The following PARP12 variants were observed in gnomAD, a reference collection of about 807,000 sequenced individuals.
The protein encoded by PARP12 is poly(ADP-ribose) polymerase family member 12.
Under a neutral mutation model 72.4 loss-of-function variants are expected in PARP12, and 59 were observed. That is an observed-to-expected ratio of 0.81 (90% CI 0.66 to 1.01). PARP12 has a LOEUF of 1.01. PARP12 is among the 50% of genes least tolerant of loss of function. The pLI is 0.00. For synonymous variants in PARP12, 403 were observed against 371.4 expected (o/e 1.09, Z -0.98); for missense variants, 851 against 914.0 (o/e 0.93, Z 0.89).
intron 8 of PARP12, among the ~76,000 whole-genome samples, chr7:140,032,884 G>C (rs1428369659): frequency 6.6e-6 from 1 of 152,100 alleles, no homozygotes; most frequent in Non-Finnish European, 1.5e-5. Context: ...AGTCTACAGA[G>C]GATACCATTT....
In PARP12 at chr7:140,057,166, A is replaced by C; in HGVS notation, c.463-13T>G. 6.2e-7 allele frequency: 1 copy of C among 1,605,806 alleles called. No individual in the cohort carries two copies. Among genetic ancestry groups the C allele is most frequent in the Non-Finnish European group, 8.5e-7 (1 of 1,175,846 alleles). The stretch of plus-strand genomic sequence containing the variant: ...AATGTTGGCAAATCTGTTGACAGAG[A>C]GGGAAAAAACCACCAGTTCAGGAAG... On this transcript the variant is annotated splice_polypyrimidine_tract_variant and intron_variant, in intron 2 of 11. Transcript: ENST00000263549.
At chr7:140,040,222 T>TC (rs1405602352) in intron 6 of PARP12, among the ~76,000 whole-genome samples, 3 of 152,072 alleles carry the variant, frequency 2.0e-5, no homozygotes, top group Non-Finnish European at 2.9e-5. Context: ...CCTCTCCCCC[T>TC]CCTCCATGTC....
At chr7:140,041,501 C>T in intron 6 of PARP12, 143 bp downstream of exon 6, 1 of 753,650 alleles carries the variant, frequency 1.3e-6, no homozygotes, top group Non-Finnish European at 2.1e-6. Context: ...CCATAATTCT[C>T]CCAAAGCAAG....
intron 5 of PARP12, 35 bp from the exon 6 acceptor site, chr7:140,041,874 C>A: frequency 6.4e-7 from 1 of 1,552,862 alleles, no homozygotes; most frequent in South Asian, 1.1e-5. Context: ...CTGAAAATCC[C>A]ACCAGCCAAG....
intron 7 of PARP12, among the ~76,000 whole-genome samples, chr7:140,036,682 C>T (rs2116555702): frequency 6.6e-6 from 1 of 152,286 alleles, no homozygotes; most frequent in Non-Finnish European, 1.5e-5. Context: ...GGAAGGCCCA[C>T]TTACTCCCTT....
intron 3 of PARP12, 58 bp from the exon 4 acceptor site, chr7:140,054,821 T>G: frequency 7.1e-7 from 1 of 1,403,394 alleles, no homozygotes; most frequent in Non-Finnish European, 1.0e-6. Flanking sequence ...AAAAGAGAGT[T>G]AAAGAGGATT....
chr7:140,056,813 T>C, intron 3 of PARP12, 43 bp downstream of exon 3: 1 of 1,526,098 alleles, frequency 6.6e-7, no homozygotes, highest in Non-Finnish European at 8.8e-7. Context: ...GCCCAGGACC[T>C]CCCGTGCTCC....
chr7:140,049,827 C>A (rs553054304), intron 4 of PARP12, among the ~76,000 whole-genome samples: 2 of 152,208 alleles, frequency 1.3e-5, no homozygotes, highest in African/African-American at 4.8e-5. Context: ...CCCAGCACAG[C>A]GGTAGAGACA....
intron 9 of PARP12, 101 bp downstream of exon 9, chr7:140,028,512 C>T: frequency 1.9e-6 from 2 of 1,069,194 alleles, no homozygotes; most frequent in Non-Finnish European, 2.6e-6. Context: ...TAGCCCCAGC[C>T]TTACAGCTTC....
At chr7:140,037,686 C>G (rs1276274171) in intron 7 of PARP12, 29 bp downstream of exon 7, 1 of 1,609,518 alleles carries the variant, frequency 6.2e-7, no homozygotes, top group African/African-American at 1.3e-5. Flanking sequence ...CAGGCAGGCT[C>G]TGCTGGGCGA....
chr7:140,037,223 C>A (rs1048288936), intron 7 of PARP12, among the ~76,000 whole-genome samples: 1 of 152,204 alleles, frequency 6.6e-6, no homozygotes, highest in Non-Finnish European at 1.5e-5. Context: ...ACTTGGGAGG[C>A]TGAAGCACGA....
At chr7:140,057,421 T>G (rs1279286483) in intron 2 of PARP12, 1 of 509,666 alleles carries the variant, frequency 2.0e-6, no homozygotes, top group African/African-American at 1.9e-5. Context: ...GAGCTGCTCC[T>G]TTCACATGAG....
chr7:140,046,790 G>C, intron 5 of PARP12, 94 bp downstream of exon 5: 2 of 1,262,358 alleles, frequency 1.6e-6, no homozygotes, highest in Non-Finnish European at 2.2e-6. Flanking sequence ...TCCAGACTAG[G>C]CTGCTCACAG....
chr7:140,037,570 G>C (rs1037215062), intron 7 of PARP12, 145 bp downstream of exon 7: 1 of 1,097,396 alleles, frequency 9.1e-7, no homozygotes, highest in Non-Finnish European at 1.3e-6. Context: ...TCTGTCTCCA[G>C]GTCTACCTTG....
At chr7:140,060,140 T>C (rs1817381502) in intron 1 of PARP12, among the ~76,000 whole-genome samples, 1 of 152,224 alleles carries the variant, frequency 6.6e-6, no homozygotes, top group Non-Finnish European at 1.5e-5. Context: ...GTGAGGGTAG[T>C]AATATCATTA....
rs1585115991 is a variant in PARP12 at position 140,057,400 on chromosome 7, CAA to C, written c.463-249_463-248del. On this transcript the variant is annotated intron_variant, in intron 2 of 11. Transcript: ENST00000263549. ...CTCCACTGGGAAAATCCAAGAACTT[CAA>C]AGTGACTAGAGCTGCTCCTTTCACA... 3 of 552,780 alleles carry C rather than the reference CAA, an allele frequency of 5.4e-6. No homozygotes were observed. The East Asian group carries it at 9.1e-5, about 17-fold the overall frequency. The allele number at this position is 552,780 out of a possible 1,614,324, so 34.2% of individuals were successfully genotyped here.
At chr7:140,057,790 G>A (rs746412497) in intron 2 of PARP12, 109 bp downstream of exon 2, 34 of 1,458,942 alleles carry the variant, frequency 2.3e-5, no homozygotes, top group Non-Finnish European at 2.9e-5. Flanking sequence ...GTGGAAACCA[G>A]ACCAGAGATC....
intron 4 of PARP12, 111 bp from the exon 5 acceptor site, chr7:140,047,118 T>C: frequency 1.6e-6 from 2 of 1,275,078 alleles, no homozygotes; most frequent in South Asian, 3.3e-5. Flanking sequence ...CATTCTGAAA[T>C]GTGTGGTGGA....
intron 3 of PARP12, 44 bp downstream of exon 3, chr7:140,056,812 C>G: frequency 6.6e-7 from 1 of 1,522,660 alleles, no homozygotes. Flanking sequence ...AGCCCAGGAC[C>G]TCCCGTGCTC....
Sources: gnomAD v4.1 joint callset for allele counts (sites outside exome capture counted in the v4.1 genomes callset) on GRCh38, gnomAD v4.1.1 for gene constraint, MANE v1.5 for transcripts, NCBI Gene and HGNC (gene_info 2026-07-23, HGNC 2026-07-21) for gene names.